The following HMSD variants were observed in gnomAD, a reference collection of about 807,000 sequenced individuals.
HMSD encodes serpin-like protein HMSD.
A neutral mutation model predicts 10.0 loss-of-function variants in HMSD; 13 were observed. The ratio of observed to expected loss-of-function variants is 1.31; its 90% CI spans 0.85 to 2.08. The LOEUF (loss-of-function observed/expected upper bound fraction) is 2.08, where lower values mean the gene tolerates loss of function less well. Ranked by LOEUF, HMSD falls within the 30% of genes most tolerant of loss-of-function variation. The pLI is 0.00. For missense variants in HMSD, 169 were observed against 166.3 expected (o/e 1.02, Z -0.09); for synonymous variants, 51 against 54.2 (o/e 0.94, Z 0.26).
intron 1 of HMSD, among the ~76,000 whole-genome samples, chr18:63,952,950 C>T (rs777120026): frequency 1.3e-5 from 2 of 152,166 alleles, no homozygotes; most frequent in Non-Finnish European, 2.9e-5. Flanking sequence ...TTTCTTCTTA[C>T]AAATTTCATG....
chr18:63,963,330 A>G (rs55744040), downstream of HMSD, among the ~76,000 whole-genome samples: 9,126 of 151,274 alleles, frequency 0.06, 354 homozygotes, highest in African/African-American at 0.089. Context: ...GCAGTGGTGC[A>G]ATCTCAGCTC....
chr18:63,957,452 CTT>C (rs1475546135), intron 3 of HMSD, among the ~76,000 whole-genome samples: 2 of 152,004 alleles, frequency 1.3e-5, no homozygotes, highest in African/African-American at 4.8e-5. Context: ...TTCTTATTGA[CTT>C]ATAAGAATTA....
downstream of HMSD, among the ~76,000 whole-genome samples, chr18:63,965,958 G>A (rs1161685826): frequency 6.6e-6 from 1 of 152,164 alleles, no homozygotes. Flanking sequence ...GCAGGCACAT[G>A]CGAAGAGGGA....
intron 1 of HMSD, among the ~76,000 whole-genome samples, chr18:63,952,674 T>A (rs2050337331): frequency 6.6e-6 from 1 of 152,236 alleles, no homozygotes; most frequent in Non-Finnish European, 1.5e-5. Flanking sequence ...GCTTCAGTAG[T>A]CATCTTTCTG....
In HMSD at chr18:63,960,645, T is replaced by C; in HGVS notation, c.*290T>C. 3.2e-6 allele frequency: 1 copy of C among 309,456 alleles called. No individual in the cohort carries two copies. The highest frequency in any genetic ancestry group is 3.1e-5 in the South Asian group (1 of 32,674). The allele number at this position is 309,456 out of a possible 1,614,324, so 19.2% of individuals were successfully genotyped here. A position where few individuals can be genotyped will look rare whatever the true frequency, so the allele number is the denominator to read the frequency against. ...CTTGAAATGCAACTGCTGTGATCAG[T>C]GATAAGGGAACACACTGATGATTTA... On this transcript the variant is annotated 3_prime_UTR_variant, in exon 4 of 4. Transcript: ENST00000408945.
chr18:63,958,416 A>C (rs960215988), intron 3 of HMSD, among the ~76,000 whole-genome samples: 1 of 152,292 alleles, frequency 6.6e-6, no homozygotes, highest in East Asian at 1.9e-4. Flanking sequence ...AAGCAAAATT[A>C]TGGAAAGGGA....
At chr18:63,966,447 T>G (rs2050410075), downstream of HMSD, 1 of 152,214 alleles carries the variant, frequency 6.6e-6, no homozygotes, top group Admixed American at 6.5e-5. Context: ...GTAAATCGAA[T>G]GTACCTGATA....
Position 63,949,345 on chromosome 18 carries a change from C to T in HMSD, c.-158C>T, listed in dbSNP as rs1343544047. 1 of 152,366 alleles carries T rather than the reference C, an allele frequency of 6.6e-6. No individual in the cohort carries two copies. The highest frequency in any genetic ancestry group is 1.5e-5 in the Non-Finnish European group (1 of 68,178). The allele number at this position is 152,366 out of a possible 1,614,324, so 9.4% of individuals were successfully genotyped here. A position where few individuals can be genotyped will look rare whatever the true frequency, so the allele number is the denominator to read the frequency against. On this transcript the variant is annotated 5_prime_UTR_variant, in exon 1 of 4. Coordinates refer to ENST00000408945, the MANE Select transcript of HMSD (RefSeq NM_001123366.2). ...CCGGCGCCGCTCAGACATCTCTATTCCCGCCTCTCCGACCCGGTCTCACTT... is the reference window on the plus strand; with the variant it reads ...CCGGCGCCGCTCAGACATCTCTATTTCCGCCTCTCCGACCCGGTCTCACTT...
At chr18:63,962,767 ACCTTCATGAAGTAC>A (rs1164752049), downstream of HMSD, among the ~76,000 whole-genome samples, 1 of 152,194 alleles carries the variant, frequency 6.6e-6, no homozygotes, top group Non-Finnish European at 1.5e-5. Flanking sequence ...TGGAGGCAGT[ACCTTCATGAAGTAC>A]CCCTCCAGAA....
At chr18:63,949,698 TC>T (rs1268143596) in intron 1 of HMSD, among the ~76,000 whole-genome samples, 4 of 152,104 alleles carry the variant, frequency 2.6e-5, no homozygotes, top group African/African-American at 9.7e-5. Flanking sequence ...GCTCCACTCA[TC>T]CTGCAGGAGC....
chr18:63,957,945 GCAGA>G (rs771442807), intron 3 of HMSD, among the ~76,000 whole-genome samples: 30 of 152,012 alleles, frequency 2.0e-4, no homozygotes, highest in African/African-American at 6.5e-4. Context: ...ACTTAAAATA[GCAGA>G]CAGTTATTTA....
Position 63,954,519 on chromosome 18 carries a change from A to T in HMSD, c.184A>T (p.Asn62Tyr). The change falls in exon 3 of 4, where the codon AAC (asparagine) becomes TAC (tyrosine). Residue 62 changes from asparagine (N) to tyrosine (Y), a missense_variant. Transcript: ENST00000408945. Reference sequence around the variant, plus strand: ...CACTGAATATGTGCTTAGAACTGCCAACGGGCTCTTTGGAGAAAAGTCTTA... The same window carrying T: ...CACTGAATATGTGCTTAGAACTGCCTACGGGCTCTTTGGAGAAAAGTCTTA... ...TDTEYVLRTA[N>Y]GLFGEKSYDF... 6.2e-7 allele frequency: 1 copy of T among 1,613,160 alleles called. No individual in the cohort carries two copies. Among genetic ancestry groups the T allele is most frequent in the Non-Finnish European group, 8.5e-7 (1 of 1,179,306 alleles).
chr18:63,953,677 C>A (rs903518403), intron 2 of HMSD, 150 bp downstream of exon 2: 14 of 708,196 alleles, frequency 2.0e-5, no homozygotes, highest in Non-Finnish European at 2.9e-5. Flanking sequence ...CAGGATGGAG[C>A]ATGTTTTCAA....
At chr18:63,963,049 T>G (rs528409460), downstream of HMSD, among the ~76,000 whole-genome samples, 1,569 of 124,800 alleles carry the variant, frequency 0.013, 29 homozygotes, top group Non-Finnish European at 0.016. Flanking sequence ...GATGTAGTTT[T>G]CTTTCTTTCT....
downstream of HMSD, among the ~76,000 whole-genome samples, chr18:63,962,198 G>C (rs1440276967): frequency 6.6e-6 from 1 of 152,220 alleles, no homozygotes. Flanking sequence ...AGACTCAGAA[G>C]TTAAGTAGCT....
At chr18:63,969,573 G>T (rs754735063) in intron 3 of HMSD, 22 of 152,124 alleles carry the variant, frequency 1.4e-4, no homozygotes, top group Admixed American at 3.9e-4. Context: ...AGATTTTGAA[G>T]AAATAAGTTA....
chr18:63,962,448 T>C (rs1228643628), downstream of HMSD, among the ~76,000 whole-genome samples: 2 of 152,228 alleles, frequency 1.3e-5, no homozygotes, highest in Non-Finnish European at 2.9e-5. Flanking sequence ...CTGATTTCTT[T>C]GGCTGTGTTA....
chr18:63,954,660 A>C (rs2050348914), intron 3 of HMSD, 103 bp downstream of exon 3: 1 of 923,020 alleles, frequency 1.1e-6, no homozygotes, highest in Non-Finnish European at 1.7e-6. Context: ...TGAACTCAGA[A>C]CTCCACGCAC....
intron 3 of HMSD, among the ~76,000 whole-genome samples, chr18:63,958,464 T>C (rs1193258253): frequency 2.0e-5 from 3 of 152,190 alleles, no homozygotes; most frequent in African/African-American, 7.2e-5. Flanking sequence ...GAGAGAAAGA[T>C]TGGGAAACAA....
Sources: gnomAD v4.1 joint callset for allele counts (sites outside exome capture counted in the v4.1 genomes callset) on GRCh38, gnomAD v4.1.1 for gene constraint, MANE v1.5 for transcripts, NCBI Gene and HGNC (gene_info 2026-07-23, HGNC 2026-07-21) for gene names.